Variants in VWA3A observed in about 807,000 individuals in gnomAD.
The protein encoded by VWA3A is von Willebrand factor A domain containing 3A.
A neutral mutation model predicts 160.4 loss-of-function variants in VWA3A; 134 were observed. The observed-to-expected ratio is 0.84, with a 90% confidence interval of 0.73 to 0.96. VWA3A has a LOEUF of 0.96. Ranked by LOEUF, VWA3A falls within the 40% of genes least tolerant of loss-of-function variation. VWA3A has a pLI of 0.00. For synonymous variants in VWA3A, 476 were observed against 543.4 expected, an observed-to-expected ratio of 0.88 and a Z score of 1.72; for missense variants, 1,310 against 1,447.9, an observed-to-expected ratio of 0.90 and a Z score of 1.55.
chr16:22,093,756 A>G (rs1567522178), intron 1 of VWA3A, among the ~76,000 whole-genome samples: 1 of 152,074 alleles, frequency 6.6e-6, no homozygotes, highest in Non-Finnish European at 1.5e-5. Flanking sequence ...CCAAAGGTTC[A>G]GCACTTTTTT....
At chr16:22,147,587 T>C in intron 27 of VWA3A, 1 of 703,262 alleles carries the variant, frequency 1.4e-6, no homozygotes, top group Non-Finnish European at 2.6e-6. Context: ...TCCTCTGCAG[T>C]AGGACCTGGT....
intron 27 of VWA3A, among the ~76,000 whole-genome samples, chr16:22,146,926 G>T (rs1440246200): frequency 2.0e-5 from 3 of 152,166 alleles, no homozygotes; most frequent in Non-Finnish European, 4.4e-5. Context: ...AAGTGACAAG[G>T]GGCTCACTGT....
intron 8 of VWA3A, among the ~76,000 whole-genome samples, chr16:22,112,711 A>T (rs921589138): frequency 6.6e-6 from 1 of 152,048 alleles, no homozygotes; most frequent in Non-Finnish European, 1.5e-5. Context: ...TGACAGAGAG[A>T]GACCCTGTCT....
chr16:22,145,677 A>C (rs1231787622), intron 26 of VWA3A, among the ~76,000 whole-genome samples: 4 of 151,644 alleles, frequency 2.6e-5, no homozygotes, highest in Non-Finnish European at 5.9e-5. Flanking sequence ...TATGATTTTT[A>C]TTAATATAGC....
At chr16:22,146,104 G>A (rs912612098) in intron 26 of VWA3A, 132 bp from the exon 27 acceptor site, 1 of 707,418 alleles carries the variant, frequency 1.4e-6, no homozygotes, top group Non-Finnish European at 2.4e-6. Flanking sequence ...TTACAGGCAT[G>A]AGCCACCGTG....
chr16:22,150,350 G>A lies in VWA3A; in HGVS notation c.3130-345G>A, dbSNP rs1004949780. Among the ~76,000 whole-genome samples, 13 of 152,180 alleles carry A rather than the reference G, an allele frequency of 8.5e-5. No homozygotes were observed. In the South Asian group the frequency reaches 1.9e-3, roughly 22 times the overall value. ...TGGGAGGCAGAGGTTGCAGTGAGCC[G>A]AGATTGCACCATTGCACTCCAGCCT... On this transcript the variant is annotated intron_variant, in intron 29 of 33. Coordinates refer to ENST00000389398, the MANE Select transcript of VWA3A (RefSeq NM_173615.5).
chr16:22,099,720 G>A (rs2045378269), intron 3 of VWA3A, among the ~76,000 whole-genome samples: 1 of 152,164 alleles, frequency 6.6e-6, no homozygotes. Context: ...GCTGCAGTGA[G>A]CTATGATCAC....
chr16:22,155,800 C>T (rs369597511), intron 32 of VWA3A, 51 bp from the exon 33 acceptor site: 77 of 1,612,978 alleles, frequency 4.8e-5, no homozygotes, highest in Non-Finnish European at 5.6e-5. Flanking sequence ...CCAGCCAGCC[C>T]AGAAATCTGG....
chr16:22,121,316 A>C (rs2045730332), intron 13 of VWA3A, among the ~76,000 whole-genome samples, 198 bp from the exon 14 acceptor site: 1 of 152,126 alleles, frequency 6.6e-6, no homozygotes, highest in Non-Finnish European at 1.5e-5. Context: ...GGTGGCATGC[A>C]CCTGCAGTCC....
chr16:22,141,743 G>A, intron 24 of VWA3A, 51 bp downstream of exon 24: 1 of 1,494,010 alleles, frequency 6.7e-7, no homozygotes, highest in Non-Finnish European at 9.1e-7. Context: ...CCCTGGGGGA[G>A]CTGTAAGGGC....
chr16:22,137,455 A>G (rs182975007), intron 21 of VWA3A, among the ~76,000 whole-genome samples: 13 of 152,330 alleles, frequency 8.5e-5, no homozygotes, highest in Admixed American at 2.6e-4. Context: ...CCTGGTTTGA[A>G]TTGAAGTTTC....
At chr16:22,094,179 T>A (rs780328758) in intron 1 of VWA3A, among the ~76,000 whole-genome samples, 29 of 152,144 alleles carry the variant, frequency 1.9e-4, no homozygotes, top group Non-Finnish European at 1.8e-4. Context: ...TGCAGTCCTC[T>A]GAATTCATTA....
At chr16:22,140,589 G>A (rs962282931) in intron 23 of VWA3A, among the ~76,000 whole-genome samples, 35 of 151,516 alleles carry the variant, frequency 2.3e-4, no homozygotes, top group Non-Finnish European at 4.4e-4. Flanking sequence ...CTCAGTGACA[G>A]AGCAAGACCC....
At chr16:22,128,700 C>T (rs547398580) in intron 17 of VWA3A, among the ~76,000 whole-genome samples, 1 of 152,188 alleles carries the variant, frequency 6.6e-6, no homozygotes, top group East Asian at 1.9e-4. Context: ...CAGTGGTAGA[C>T]TGGATAAAGA....
chr16:22,098,911 C>CAAAAAAAAAAA (rs900328333), intron 3 of VWA3A, among the ~76,000 whole-genome samples: 1 of 41,058 alleles, frequency 2.4e-5, no homozygotes, highest in Non-Finnish European at 4.6e-5. Flanking sequence ...CCTGTTTCCA[C>CAAAAAAAAAAA]AAAAAAAAAA....
chr16:22,110,818 G>T (rs946384664), intron 7 of VWA3A, 70 bp from the exon 8 acceptor site: 1 of 1,450,730 alleles, frequency 6.9e-7, no homozygotes. Context: ...GCCAGCAAAG[G>T]CCAGAGAGGC....
At chr16:22,118,631 A>G (rs2141902179) in intron 11 of VWA3A, among the ~76,000 whole-genome samples, 1 of 152,310 alleles carries the variant, frequency 6.6e-6, no homozygotes, top group South Asian at 2.1e-4. Context: ...GCTTGCCGTG[A>G]GCCGATATTG....
chr16:22,156,132 C>G lies in VWA3A; in HGVS notation c.*115C>G. The G allele has an allele frequency of 1.7e-6, 1 of 584,378 alleles. No individual in the cohort carries two copies. Among genetic ancestry groups the G allele is most frequent in the South Asian group, 2.1e-5 (1 of 47,156 alleles). 36.2% of individuals were successfully genotyped at this position (584,378 alleles called of 1,614,324 possible). A position where few individuals can be genotyped will look rare whatever the true frequency, so the allele number is the denominator to read the frequency against. ...CTGCAGGAAACATGATTCCTGGTAC[C>G]AGGACTCTCTGGAAGCTGAGGAAGG... On this transcript the variant is annotated 3_prime_UTR_variant, in exon 34 of 34. Coordinates refer to ENST00000389398, the MANE Select transcript of VWA3A (RefSeq NM_173615.5).
chr16:22,153,280 T>C (rs1157217043), intron 31 of VWA3A, among the ~76,000 whole-genome samples: 1 of 152,180 alleles, frequency 6.6e-6, no homozygotes, highest in African/African-American at 2.4e-5. Context: ...GAGACCCAGG[T>C]TGCAGTCAGC....
Sources: gnomAD v4.1 joint callset for allele counts (sites outside exome capture counted in the v4.1 genomes callset) on GRCh38, gnomAD v4.1.1 for gene constraint, MANE v1.5 for transcripts, NCBI Gene and HGNC (gene_info 2026-07-23, HGNC 2026-07-21) for gene names.